The following ATP11B variants were observed in gnomAD, a reference collection of about 807,000 sequenced individuals.
The protein encoded by ATP11B is phospholipid-transporting ATPase IF.
ATP11B carries 81 observed loss-of-function variants against 157.8 expected under a neutral mutation model. The ratio of observed to expected loss-of-function variants is 0.51; its 90% CI spans 0.43 to 0.62. ATP11B has a LOEUF of 0.62. ATP11B is among the 20% of genes least tolerant of loss of function. The pLI is 0.00. For missense variants in ATP11B, 1,165 were observed against 1,402.2 expected, an observed-to-expected ratio of 0.83 and a Z score of 2.70; for synonymous variants, 451 against 469.4, an observed-to-expected ratio of 0.96 and a Z score of 0.51.
At chr3:182,801,703 A>G (rs946954779) in intron 1 of ATP11B, among the ~76,000 whole-genome samples, 2 of 152,176 alleles carry the variant, frequency 1.3e-5, no homozygotes, top group Non-Finnish European at 2.9e-5. Flanking sequence ...TTTATCTCCA[A>G]AATCGCTTCT....
rs1354706809 is a variant in ATP11B at position 182,918,871 on chromosome 3, T to C, written c.*767T>C. ...TTTGTGACAGAGTATAAAGACCCTATAGTGGGTAAATTAGATACTATTAGC... is the reference window on the plus strand; with the variant it reads ...TTTGTGACAGAGTATAAAGACCCTACAGTGGGTAAATTAGATACTATTAGC... On this transcript the variant is annotated 3_prime_UTR_variant, in exon 30 of 30. Coordinates refer to ENST00000323116, the MANE Select transcript of ATP11B (RefSeq NM_014616.3). The C allele has an allele frequency of 6.6e-6, 1 of 152,458 alleles. No homozygotes were observed. The highest frequency in any genetic ancestry group is 6.6e-5 in the Admixed American group (1 of 15,264). 9.4% of individuals were successfully genotyped at this position (152,458 alleles called of 1,614,324 possible).
At chr3:182,863,906 G>A (rs1247078431) in intron 12 of ATP11B, among the ~76,000 whole-genome samples, 1 of 151,854 alleles carries the variant, frequency 6.6e-6, no homozygotes, top group African/African-American at 2.4e-5. Flanking sequence ...ATCTACATGT[G>A]TGGGCTTTTT....
At chr3:182,862,531 A>G (rs950784995) in intron 12 of ATP11B, among the ~76,000 whole-genome samples, 1 of 152,204 alleles carries the variant, frequency 6.6e-6, no homozygotes, top group Non-Finnish European at 1.5e-5. Flanking sequence ...TGTTGCTCCA[A>G]TAAATGAGGG....
At chr3:182,859,441 G>A in intron 12 of ATP11B, 82 bp downstream of exon 12, 1 of 1,233,910 alleles carries the variant, frequency 8.1e-7, no homozygotes, top group Non-Finnish European at 1.1e-6. Flanking sequence ...ATGTAACAAG[G>A]TATTATGATG....
intron 10 of ATP11B, among the ~76,000 whole-genome samples, chr3:182,853,674 AAATG>A (rs1388811634): frequency 6.6e-6 from 1 of 152,238 alleles, no homozygotes; most frequent in Non-Finnish European, 1.5e-5. Flanking sequence ...AGAACTAAAT[AAATG>A]GAGAAATCAC....
chr3:182,885,588 C>T (rs1722745553), intron 22 of ATP11B, among the ~76,000 whole-genome samples: 1 of 152,012 alleles, frequency 6.6e-6, no homozygotes, highest in South Asian at 2.1e-4. Context: ...GTGTTTTAAA[C>T]ATTTTTGTGT....
chr3:182,887,308 T>C (rs1023975578), intron 23 of ATP11B, among the ~76,000 whole-genome samples: 1 of 152,148 alleles, frequency 6.6e-6, no homozygotes, highest in African/African-American at 2.4e-5. Flanking sequence ...GTGATCAAAT[T>C]GTGGAGAACC....
At chr3:182,853,471 G>C (rs1720138738) in intron 10 of ATP11B, among the ~76,000 whole-genome samples, 1 of 152,104 alleles carries the variant, frequency 6.6e-6, no homozygotes, top group Non-Finnish European at 1.5e-5. Flanking sequence ...CTCCCTGCAG[G>C]TGTGAGCCAC....
At chr3:182,807,252 C>T (rs1716381862) in intron 1 of ATP11B, among the ~76,000 whole-genome samples, 1 of 151,784 alleles carries the variant, frequency 6.6e-6, no homozygotes, top group African/African-American at 2.4e-5. Context: ...TTAAATCTGC[C>T]TGAAAGTGTG....
chr3:182,867,230 C>G, intron 14 of ATP11B, 146 bp from the exon 15 acceptor site: 1 of 606,346 alleles, frequency 1.6e-6, no homozygotes, highest in East Asian at 3.0e-5. Flanking sequence ...CTCCTGGCAC[C>G]AAAGTTGTAA....
chr3:182,846,192 G>C (rs1198673873), intron 9 of ATP11B, among the ~76,000 whole-genome samples: 1 of 152,004 alleles, frequency 6.6e-6, no homozygotes, highest in Non-Finnish European at 1.5e-5. Flanking sequence ...CCCACTGGCT[G>C]TCTGCAGCTT....
At chr3:182,896,593 C>T in intron 25 of ATP11B, 107 bp from the exon 26 acceptor site, 1 of 895,456 alleles carries the variant, frequency 1.1e-6, no homozygotes, top group South Asian at 1.6e-5. Flanking sequence ...TCAAATGTAC[C>T]TGACTTAAAT....
At chr3:182,905,253 TA>T (rs1724264303) in intron 28 of ATP11B, among the ~76,000 whole-genome samples, 4 of 152,220 alleles carry the variant, frequency 2.6e-5, no homozygotes, top group African/African-American at 9.6e-5. Context: ...AGAAGATCTC[TA>T]ATACAAATAC....
intron 12 of ATP11B, among the ~76,000 whole-genome samples, chr3:182,863,800 T>C (rs1414712789): frequency 3.3e-5 from 5 of 152,088 alleles, no homozygotes; most frequent in Non-Finnish European, 7.4e-5. Context: ...TGACTGATAG[T>C]GCAGTCTGTA....
At chr3:182,858,922 T>G (rs1456647000) in intron 11 of ATP11B, among the ~76,000 whole-genome samples, 1 of 152,186 alleles carries the variant, frequency 6.6e-6, no homozygotes, top group Non-Finnish European at 1.5e-5. Context: ...ATTAAGTTAC[T>G]TGAATTTAAC....
rs997363715 is a variant in ATP11B, at chr3:182,920,535, A to G, written c.*2431A>G. On this transcript the variant is annotated 3_prime_UTR_variant, in exon 30 of 30. Coordinates refer to ENST00000323116, the MANE Select transcript of ATP11B (RefSeq NM_014616.3). ...TTTCTTTGGAAAGTATGATGTTGAT[A>G]ATTAACTTACCCTTATCTGCCAAAA... 6.6e-6 allele frequency: 1 copy of G among 152,210 alleles called. No homozygotes were observed. Among genetic ancestry groups the G allele is most frequent in the African/African-American group, 2.4e-5 (1 of 41,452 alleles). The allele number at this position is 152,210 out of a possible 1,614,324, so 9.4% of individuals were successfully genotyped here. A position where few individuals can be genotyped will look rare whatever the true frequency, so the allele number is the denominator to read the frequency against.
rs145283108 is a variant in ATP11B, at chr3:182,865,569, C to T, written c.1314C>T (p.Pro438=). The T allele has an allele frequency of 1.2e-4, 189 of 1,613,746 alleles. 1 individual carries two copies. In the African/African-American group the frequency reaches 2.2e-3, roughly 19 times the overall value. The change falls in exon 13 of 30, where the codon CCC becomes CCT. Residue 438 remains proline, a synonymous_variant. Coordinates refer to ENST00000323116, the MANE Select transcript of ATP11B (RefSeq NM_014616.3). Reference sequence around the variant, plus strand: ...AAGAAATTAATGGTAGACTTGTACCCGAAGGACCAACACCAGACTCTTCAG... The same window carrying T: ...AAGAAATTAATGGTAGACTTGTACCTGAAGGACCAACACCAGACTCTTCAG... The part of the protein sequence containing the change: ...KYQEINGRLV[P]EGPTPDSSEG...
intron 17 of ATP11B, among the ~76,000 whole-genome samples, chr3:182,870,899 G>C (rs1188691748): frequency 6.7e-6 from 1 of 149,162 alleles, no homozygotes; most frequent in Non-Finnish European, 1.5e-5. Context: ...CTGCACTCCA[G>C]CCTGGGCAAC....
intron 10 of ATP11B, among the ~76,000 whole-genome samples, chr3:182,854,924 A>T (rs1024979137): frequency 6.6e-6 from 1 of 152,116 alleles, no homozygotes; most frequent in African/African-American, 2.4e-5. Flanking sequence ...GAAATCAAAG[A>T]TCTAAATAAA....
Sources: allele counts gnomAD v4.1 joint callset (sites outside exome capture counted in the v4.1 genomes callset), GRCh38; gene constraint gnomAD v4.1.1; transcripts MANE v1.5; gene names NCBI Gene and HGNC (gene_info 2026-07-23, HGNC 2026-07-21).